The following ATXN1 variants were observed in gnomAD, a reference collection of about 807,000 sequenced individuals.
ATXN1 encodes ataxin 1, also known as ataxin-1.
In ATXN1, 8 loss-of-function variants were observed where a neutral mutation model predicts 56.4. The ratio of observed to expected loss-of-function variants is 0.14; its 90% CI spans 0.08 to 0.26. The LOEUF (loss-of-function observed/expected upper bound fraction) is 0.26, where lower values mean the gene tolerates loss of function less well. ATXN1 is among the 10% of genes least tolerant of loss of function. The pLI is 1.00. For synonymous variants in ATXN1, 514 were observed against 494.6 expected (o/e 1.04, Z -0.52); for missense variants, 987 against 1,106.5 (o/e 0.89, Z 1.53).
At chr6:16,606,846 GA>G (rs1314616317) in intron 3 of ATXN1, among the ~76,000 whole-genome samples, 1 of 41,134 alleles carries the variant, frequency 2.4e-5, no homozygotes, top group Non-Finnish European at 5.9e-5. Flanking sequence ...AATTTTGGGG[GA>G]AAGTATACAG....
chr6:16,538,795 C>T (rs1237850816), intron 4 of ATXN1, among the ~76,000 whole-genome samples: 1 of 152,228 alleles, frequency 6.6e-6, no homozygotes, highest in African/African-American at 2.4e-5. Context: ...AAGCAATCCT[C>T]TCGCCTCAGC....
At chr6:16,413,189 A>T (rs950921475) in intron 6 of ATXN1, among the ~76,000 whole-genome samples, 2 of 152,266 alleles carry the variant, frequency 1.3e-5, no homozygotes, top group Middle Eastern at 3.4e-3. Context: ...AGAAATGATG[A>T]CTCTATTTAA....
At chr6:16,626,531 A>T (rs1300943807) in intron 3 of ATXN1, among the ~76,000 whole-genome samples, 1 of 152,080 alleles carries the variant, frequency 6.6e-6, no homozygotes, top group African/African-American at 2.4e-5. Context: ...ACCTCAGATG[A>T]TGTGCCCACC....
chr6:16,536,705 TTGCAATGTGCTAC>T (rs1183710949), intron 4 of ATXN1, among the ~76,000 whole-genome samples: 7 of 152,322 alleles, frequency 4.6e-5, no homozygotes, highest in Non-Finnish European at 8.8e-5. Context: ...CAATGTGCTA[TTGCAATGTGCTAC>T]TGCAATGTGC....
chr6:16,383,452 G>A (rs1282577307), intron 6 of ATXN1, among the ~76,000 whole-genome samples: 1 of 152,116 alleles, frequency 6.6e-6, no homozygotes. Context: ...AGAATATGGT[G>A]CTTATGGTAA....
chr6:16,591,112 C>A (rs958603113), intron 3 of ATXN1, among the ~76,000 whole-genome samples: 4 of 151,350 alleles, frequency 2.6e-5, no homozygotes, highest in African/African-American at 9.8e-5. Flanking sequence ...TGAGCCACTG[C>A]GCCCAACTAT....
At chr6:16,482,375 G>A (rs1760457389) in intron 6 of ATXN1, among the ~76,000 whole-genome samples, 1 of 152,200 alleles carries the variant, frequency 6.6e-6, no homozygotes, top group Non-Finnish European at 1.5e-5. Context: ...TAGTTGAGGA[G>A]ACTGATGATT....
chr6:16,717,505 A>C (rs3812216), intron 2 of ATXN1, among the ~76,000 whole-genome samples: 23,319 of 152,248 alleles, frequency 0.15, 1,838 homozygotes, highest in Middle Eastern at 0.24. Context: ...ACTGCTGCTG[A>C]TACCTGCAGC....
intron 6 of ATXN1, among the ~76,000 whole-genome samples, chr6:16,349,467 C>T (rs61312254): frequency 0.025 from 3,856 of 151,892 alleles, 148 homozygotes; most frequent in African/African-American, 0.087. Flanking sequence ...CATGCCACTG[C>T]ACTCCAGCCT....
rs1429767390 is a variant in ATXN1, at chr6:16,305,899, A to G, written c.*430T>C. The G allele has an allele frequency of 6.3e-6, 1 of 159,110 alleles. No homozygotes were observed. The highest frequency in any genetic ancestry group is 1.4e-5 in the Non-Finnish European group (1 of 72,236). 9.9% of individuals were successfully genotyped at this position (159,110 alleles called of 1,614,324 possible). A position where few individuals can be genotyped will look rare whatever the true frequency, so the allele number is the denominator to read the frequency against. On this transcript the variant is annotated 3_prime_UTR_variant, in exon 8 of 8. Coordinates refer to ENST00000436367, the MANE Select transcript of ATXN1 (RefSeq NM_001128164.2). Reference sequence around the variant, plus strand: ...GAGAGTGAGGCAGAGGGAGGCAGAGAAAAAGAGACCCTCACTCGCCGCCAC... The same window carrying G: ...GAGAGTGAGGCAGAGGGAGGCAGAGGAAAAGAGACCCTCACTCGCCGCCAC...
intron 4 of ATXN1, among the ~76,000 whole-genome samples, chr6:16,529,310 G>A (rs893000153): frequency 6.6e-6 from 1 of 151,118 alleles, no homozygotes; most frequent in Non-Finnish European, 1.5e-5. Flanking sequence ...ACAGGTGCCA[G>A]GCAAGCGTTC....
chr6:16,542,726 A>G (rs1761738684), intron 4 of ATXN1, among the ~76,000 whole-genome samples: 1 of 152,212 alleles, frequency 6.6e-6, no homozygotes, highest in South Asian at 2.1e-4. Flanking sequence ...ACCCCAGTGG[A>G]CGCCTAAAAC....
chr6:16,577,579 T>G (rs192646850), intron 4 of ATXN1, among the ~76,000 whole-genome samples: 3 of 145,796 alleles, frequency 2.1e-5, no homozygotes. Flanking sequence ...TAACAGAGAG[T>G]GGACAATTCT....
intron 7 of ATXN1, among the ~76,000 whole-genome samples, chr6:16,317,654 G>T (rs1760545096): frequency 6.6e-6 from 1 of 151,952 alleles, no homozygotes; most frequent in South Asian, 2.1e-4. Flanking sequence ...AAGCTTGAGG[G>T]CCCTCTGTCT....
At chr6:16,636,869 G>C (rs113084706) in intron 3 of ATXN1, among the ~76,000 whole-genome samples, 1,688 of 152,284 alleles carry the variant, frequency 0.011, 20 homozygotes, top group Middle Eastern at 0.068. Context: ...AGAAAGTGGA[G>C]AAATAGGAAC....
chr6:16,547,983 G>A (rs1438360471), intron 4 of ATXN1, among the ~76,000 whole-genome samples: 1 of 152,128 alleles, frequency 6.6e-6, no homozygotes, highest in Non-Finnish European at 1.5e-5. Flanking sequence ...GGGTAGCGGT[G>A]GGCTATGCTC....
At chr6:16,356,051 A>G (rs1761683078) in intron 6 of ATXN1, among the ~76,000 whole-genome samples, 1 of 152,246 alleles carries the variant, frequency 6.6e-6, no homozygotes, top group Admixed American at 6.5e-5. Context: ...AAGTCATTAC[A>G]TCGAAGTAAG....
At chr6:16,512,204 CCA>C (rs2113685025) in intron 5 of ATXN1, among the ~76,000 whole-genome samples, 1 of 152,338 alleles carries the variant, frequency 6.6e-6, no homozygotes, top group East Asian at 1.9e-4. Context: ...AAAGGCTTTA[CCA>C]CATAGTTTTC....
rs753325 is a variant in ATXN1, at chr6:16,452,331, G to A, written c.-161+33641C>T. On this transcript the variant is annotated intron_variant, in intron 6 of 7. Transcript: ENST00000436367. ...TATGTGATGAACAGGTTACAAATAC[G>A]GTTCAGAATTCATAACTAGTAATGA... Among the ~76,000 whole-genome samples, 772 of 152,242 alleles carry A rather than the reference G, an allele frequency of 5.1e-3. 3 individuals are homozygous for A. The highest frequency in any genetic ancestry group is 5.4e-3 in the Non-Finnish European group (367 of 68,022).
Sources: allele counts gnomAD v4.1 joint callset (sites outside exome capture counted in the v4.1 genomes callset), GRCh38; gene constraint gnomAD v4.1.1; transcripts MANE v1.5; gene names NCBI Gene and HGNC (gene_info 2026-07-23, HGNC 2026-07-21).